Variants in CBLN2 observed in about 807,000 individuals in gnomAD.
CBLN2 encodes cerebellin 2 precursor.
Under a neutral mutation model 15.0 loss-of-function variants are expected in CBLN2, and 7 were observed. The observed-to-expected ratio is 0.47, with a 90% CI of 0.27 to 0.88. The LOEUF (loss-of-function observed/expected upper bound fraction) is 0.88. Ranked by LOEUF, CBLN2 falls within the 40% of genes least tolerant of loss-of-function variation. CBLN2 has a pLI of 0.14. For missense variants in CBLN2, 242 were observed against 304.5 expected (o/e 0.79, Z 1.53); for synonymous variants, 149 against 135.2 (o/e 1.10, Z -0.71).
intron 1 of CBLN2, among the ~76,000 whole-genome samples, chr18:72,622,789 C>T (rs913438230): frequency 3.3e-5 from 5 of 152,094 alleles, no homozygotes; most frequent in African/African-American, 9.7e-5. Flanking sequence ...AATGGAAAAC[C>T]GTGTATCACA....
chr18:72,593,047 T>C (rs1346523258), intron 1 of CBLN2, among the ~76,000 whole-genome samples: 1 of 152,112 alleles, frequency 6.6e-6, no homozygotes, highest in Non-Finnish European at 1.5e-5. Flanking sequence ...TATTTTGGCA[T>C]GAATTGCATT....
intron 1 of CBLN2, among the ~76,000 whole-genome samples, chr18:72,574,758 TG>T (rs2069353852): frequency 6.6e-6 from 1 of 152,154 alleles, no homozygotes; most frequent in South Asian, 2.1e-4. Flanking sequence ...GCTGGGTGTC[TG>T]GGAAGAGAGG....
intron 1 of CBLN2, among the ~76,000 whole-genome samples, chr18:72,634,637 C>T (rs988255174): frequency 2.6e-5 from 4 of 152,100 alleles, no homozygotes; most frequent in Non-Finnish European, 5.9e-5. Context: ...ATTAGTTACA[C>T]TATTCTGCAT....
chr18:72,589,419 T>C (rs1338496358), intron 1 of CBLN2, among the ~76,000 whole-genome samples: 1 of 152,182 alleles, frequency 6.6e-6, no homozygotes, highest in Non-Finnish European at 1.5e-5. Context: ...GTCCCTCCAG[T>C]GGTGTAACCC....
At chr18:72,553,841 G>C (rs1023349905) in intron 1 of CBLN2, among the ~76,000 whole-genome samples, 1 of 152,304 alleles carries the variant, frequency 6.6e-6, no homozygotes, top group East Asian at 1.9e-4. Flanking sequence ...AACTCTGATT[G>C]ATGTTATAAA....
At chr18:72,549,943 G>A (rs549082028) in intron 1 of CBLN2, among the ~76,000 whole-genome samples, 1 of 152,124 alleles carries the variant, frequency 6.6e-6, no homozygotes, top group South Asian at 2.1e-4. Flanking sequence ...TGGGTCAAAG[G>A]TATTGCGGTT....
intron 1 of CBLN2, among the ~76,000 whole-genome samples, chr18:72,561,367 AC>A (rs2069260377): frequency 6.6e-6 from 1 of 152,182 alleles, no homozygotes; most frequent in Admixed American, 6.5e-5. Flanking sequence ...AATGTATGAA[AC>A]AAAATGTTCT....
chr18:72,570,460 C>G (rs1391178285), intron 1 of CBLN2, among the ~76,000 whole-genome samples: 1 of 150,266 alleles, frequency 6.7e-6, no homozygotes, highest in Non-Finnish European at 1.5e-5. Flanking sequence ...GTTGCCCAGG[C>G]AAGTCTCAAA....
In CBLN2 at chr18:72,538,659, G is replaced by T. The variant is rs781570135; in HGVS notation, c.471C>A (p.Thr157=). The T allele has an allele frequency of 1.9e-6, 3 of 1,613,626 alleles. No individual in the cohort carries two copies. Among genetic ancestry groups the T allele is most frequent in the Non-Finnish European group, 2.5e-6 (3 of 1,179,924 alleles). ...FHVVKVYNRQ[T]IQVSLMQNGY... is the part of the protein sequence containing the mutation. Reference sequence around the variant, plus strand: ...CAGTTTCAAATCTACCCACCTGGATGGTTTGTCTGTTATACACTTTGACCA... The same window carrying T: ...CAGTTTCAAATCTACCCACCTGGATTGTTTGTCTGTTATACACTTTGACCA... Residue 157 remains threonine (T), a synonymous_variant, in exon 4 of 5, where the codon ACC becomes ACA. Transcript: ENST00000269503.
intron 1 of CBLN2, among the ~76,000 whole-genome samples, chr18:72,565,901 T>G (rs1024383185): frequency 6.6e-6 from 1 of 152,108 alleles, no homozygotes; most frequent in African/African-American, 2.4e-5. Context: ...GAGAATATAT[T>G]TACAAACTAT....
intron 1 of CBLN2, among the ~76,000 whole-genome samples, chr18:72,584,278 T>G (rs1020819240): frequency 6.6e-6 from 1 of 151,642 alleles, no homozygotes; most frequent in African/African-American, 2.4e-5. Context: ...CACACCACCC[T>G]CTTGGCTCTC....
At position 72,538,112 on chromosome 18, in the gene CBLN2, T is replaced by G; in HGVS notation, c.*64A>C. The G allele has an allele frequency of 2.0e-6, 3 of 1,519,112 alleles. No homozygotes were observed. Among genetic ancestry groups the G allele is most frequent in the Non-Finnish European group, 1.8e-6 (2 of 1,095,612 alleles). 94.1% of individuals were successfully genotyped at this position (1,519,112 alleles called of 1,614,324 possible). A position where few individuals can be genotyped will look rare whatever the true frequency, so the allele number is the denominator to read the frequency against. ...GTGTCCAATTCCAGTAAGTTCAGGG[T>G]GTTTTAAAGGGCGGAGTCCTGGGTC... On this transcript the variant is annotated 3_prime_UTR_variant, in exon 5 of 5. Transcript: ENST00000269503.
chr18:72,609,458 A>C (rs930773414), intron 1 of CBLN2, among the ~76,000 whole-genome samples: 1 of 152,106 alleles, frequency 6.6e-6, no homozygotes. Context: ...GAGAGGTCTC[A>C]GAAGAAACCA....
At position 72,542,371 on chromosome 18, in the gene CBLN2, C is replaced by T. The variant is rs1485462594; in HGVS notation, c.-166-45G>A. ...AAAGCCTTACACCGGGAGGTGGAGC[C>T]ACCGGGAAGAAGGGGGACTGGGAGC... is the stretch of plus-strand genomic sequence containing the variant. On this transcript the variant is annotated intron_variant, in intron 2 of 4. Coordinates refer to ENST00000269503, the MANE Select transcript of CBLN2 (RefSeq NM_182511.4). 4 of 264,766 alleles carry T rather than the reference C, an allele frequency of 1.5e-5. No individual in the cohort carries two copies. In the East Asian group the frequency reaches 3.8e-4, roughly 25 times the overall value. 16.4% of individuals were successfully genotyped at this position (264,766 alleles called of 1,614,324 possible).
chr18:72,537,777 C>A lies in CBLN2; in HGVS notation c.*399G>T. 1.1e-5 allele frequency: 3 copies of A among 279,186 alleles called. No individual in the cohort carries two copies. In the South Asian group the frequency reaches 1.2e-4, roughly 11 times the overall value. 17.3% of individuals were successfully genotyped at this position (279,186 alleles called of 1,614,324 possible). A position where few individuals can be genotyped will look rare whatever the true frequency, so the allele number is the denominator to read the frequency against. ...GTGGTTCTTTGCTGGGCTCCTACTT[C>A]AAGCCCTGACTGCAACCTGCAGCCC... is the stretch of plus-strand genomic sequence containing the variant. On this transcript the variant is annotated 3_prime_UTR_variant, in exon 5 of 5. Transcript: ENST00000269503.
intron 1 of CBLN2, among the ~76,000 whole-genome samples, chr18:72,560,866 G>A (rs1459933573): frequency 1.3e-5 from 2 of 152,020 alleles, no homozygotes; most frequent in East Asian, 1.9e-4. Context: ...AAAATTAGCC[G>A]GGAGTGGTGG....
intron 1 of CBLN2, among the ~76,000 whole-genome samples, chr18:72,619,615 C>T (rs1285089860): frequency 6.6e-6 from 1 of 152,124 alleles, no homozygotes; most frequent in African/African-American, 2.4e-5. Flanking sequence ...GCTAAGATTC[C>T]ATCTTACCAG....
intron 3 of CBLN2, chr18:72,540,233 C>T (rs571805569): frequency 3.9e-5 from 6 of 152,240 alleles, no homozygotes; most frequent in Admixed American, 6.5e-5. Context: ...ACCTCAACTC[C>T]TTCACCTCAA....
chr18:72,601,028 C>G (rs1183884118), intron 1 of CBLN2, among the ~76,000 whole-genome samples: 1 of 152,152 alleles, frequency 6.6e-6, no homozygotes, highest in Non-Finnish European at 1.5e-5. Context: ...GGGGAAGTCA[C>G]GTATCTCGTG....
Sources: allele counts gnomAD v4.1 joint callset (sites outside exome capture counted in the v4.1 genomes callset), GRCh38; gene constraint gnomAD v4.1.1; transcripts MANE v1.5; gene names NCBI Gene and HGNC (gene_info 2026-07-23, HGNC 2026-07-21).